The following TNC variants were observed in gnomAD, a reference collection of about 807,000 sequenced individuals.
TNC encodes tenascin C.
TNC carries 109 observed loss-of-function variants against 202.4 expected under a neutral mutation model. That is an observed-to-expected ratio of 0.54 (90% CI 0.46 to 0.63). The LOEUF is 0.63. Among genes scored for constraint, TNC ranks in the 30% least tolerant of loss-of-function variants. TNC has a pLI of 0.00. For missense variants in TNC, 2,756 were observed against 2,833.3 expected (o/e 0.97, Z 0.62); for synonymous variants, 1,007 against 1,089.7 (o/e 0.92, Z 1.50).
intron 1 of TNC, among the ~76,000 whole-genome samples, chr9:115,116,773 C>G (rs977970997): frequency 2.0e-5 from 3 of 152,276 alleles, no homozygotes; most frequent in African/African-American, 7.2e-5. Flanking sequence ...CGGGCTACTA[C>G]CTTTTCTCCA....
At chr9:115,105,090 T>C (rs1383154042) in intron 1 of TNC, among the ~76,000 whole-genome samples, 2 of 152,188 alleles carry the variant, frequency 1.3e-5, no homozygotes, top group African/African-American at 4.8e-5. Context: ...ATGGAGCCAT[T>C]GACAATTACA....
chr9:115,090,811 A>G lies in TNC; in HGVS notation c.208T>C (p.Ser70Pro). The G allele has an allele frequency of 6.2e-7, 1 of 1,614,048 alleles. No individual in the cohort carries two copies. Among genetic ancestry groups the G allele is most frequent in the Non-Finnish European group, 8.5e-7 (1 of 1,179,980 alleles). Residue 70 changes from serine (S) to proline (P), a missense_variant, in exon 2 of 28, where the codon TCA becomes CCA. Physicochemically the swap from Ser to Pro is moderately conservative, Grantham distance 74. This residue lies in a region of TNC where 2,559 missense variants were observed against 2,546.0 expected (regional missense o/e 1.01). Transcript: ENST00000350763. ...VGSQCSVDLE[S>P]ASGEKDLAPP... ...GCCAGGTCTTTCTCCCCACTGGCTGACTCCAGATCCACCGAACACTGGGAT... is the reference window on the plus strand; with the variant it reads ...GCCAGGTCTTTCTCCCCACTGGCTGGCTCCAGATCCACCGAACACTGGGAT...
At chr9:115,113,037 C>T (rs1003935821) in intron 1 of TNC, among the ~76,000 whole-genome samples, 10 of 152,118 alleles carry the variant, frequency 6.6e-5, no homozygotes, top group Admixed American at 3.9e-4. Flanking sequence ...GTAGAGAAAA[C>T]GTATTACATT....
At chr9:115,087,495 G>C (rs1834861187) in intron 2 of TNC, among the ~76,000 whole-genome samples, 1 of 150,426 alleles carries the variant, frequency 6.6e-6, no homozygotes, top group Non-Finnish European at 1.5e-5. Flanking sequence ...TTATAGGCTT[G>C]TATGCCAAAA....
chr9:115,069,778 T>C (rs868767947), intron 10 of TNC, among the ~76,000 whole-genome samples: 4 of 23,888 alleles, frequency 1.7e-4, no homozygotes, highest in Admixed American at 4.1e-4. Flanking sequence ...CTCCCTCCCT[T>C]CCTTCCTTCC....
chr9:115,023,793 C>T (rs1294047810), intron 27 of TNC, among the ~76,000 whole-genome samples, 180 bp downstream of exon 27: 1 of 152,214 alleles, frequency 6.6e-6, no homozygotes, highest in Non-Finnish European at 1.5e-5. Flanking sequence ...TGTGCTGTTT[C>T]TATTTTACCT....
intron 26 of TNC, 96 bp downstream of exon 26, chr9:115,026,438 G>T: frequency 7.5e-7 from 1 of 1,329,826 alleles, no homozygotes; most frequent in Non-Finnish European, 1.0e-6. Context: ...TAAATTGCTG[G>T]ATTAATGAGG....
chr9:115,053,584 G>T (rs1831873724), intron 15 of TNC, among the ~76,000 whole-genome samples: 1 of 152,146 alleles, frequency 6.6e-6, no homozygotes, highest in African/African-American at 2.4e-5. Context: ...CCCTATCTGA[G>T]GAATATCCTT....
chr9:115,053,151 G>A (rs906865270), intron 15 of TNC: 5 of 604,286 alleles, frequency 8.3e-6, no homozygotes, highest in Non-Finnish European at 1.2e-5. Flanking sequence ...ATGTTAGGCT[G>A]TGTCTACACC....
At chr9:115,026,426 A>T in intron 26 of TNC, 108 bp downstream of exon 26, 2 of 1,230,584 alleles carry the variant, frequency 1.6e-6, no homozygotes, top group Admixed American at 2.3e-5. Context: ...TTGTTGATTT[A>T]ATAAATTGCT....
At chr9:115,100,345 G>T (rs1328511605) in intron 1 of TNC, among the ~76,000 whole-genome samples, 1 of 152,090 alleles carries the variant, frequency 6.6e-6, no homozygotes, top group Non-Finnish European at 1.5e-5. Flanking sequence ...ACAGCTAATC[G>T]ATAACAACAC....
At chr9:115,035,077 C>T (rs1375421374) in intron 22 of TNC, 127 bp downstream of exon 22, 6 of 962,834 alleles carry the variant, frequency 6.2e-6, no homozygotes, top group Non-Finnish European at 7.0e-6. Context: ...CCAGTCTCTA[C>T]TAATTTTTTT....
In TNC at chr9:115,091,147, A is replaced by G; in HGVS notation, c.-129T>C. On this transcript the variant is annotated 5_prime_UTR_variant, in exon 2 of 28. Transcript: ENST00000350763. The stretch of plus-strand genomic sequence containing the variant: ...AGTTGTCCCTGATCTTCTTGAAAGA[A>G]TTATTTTCTACAAGCAAAGATGAAC... 1 of 723,378 alleles carries G rather than the reference A, an allele frequency of 1.4e-6. No individual in the cohort carries two copies. The highest frequency in any genetic ancestry group is 2.2e-6 in the Non-Finnish European group (1 of 448,934). The allele number at this position is 723,378 out of a possible 1,614,324, so 44.8% of individuals were successfully genotyped here.
rs1350779470 is a variant in TNC, at chr9:115,060,150, T to G, written c.4034-148A>C. 9.3e-6 allele frequency: 8 copies of G among 863,020 alleles called. No individual in the cohort carries two copies. The East Asian group carries it at 1.6e-4, about 17-fold the overall frequency. 53.5% of individuals were successfully genotyped at this position (863,020 alleles called of 1,614,324 possible). A position where few individuals can be genotyped will look rare whatever the true frequency, so the allele number is the denominator to read the frequency against. On this transcript the variant is annotated intron_variant, in intron 13 of 27. Coordinates refer to ENST00000350763, the MANE Select transcript of TNC (RefSeq NM_002160.4). ...GTCTCTGAGCATTTGCAATTTGAAC[T>G]GTGGTTCCCTGGCCACAGTTGTCTT...
intron 17 of TNC, 131 bp from the exon 18 acceptor site, chr9:115,042,472 G>A: frequency 8.0e-7 from 1 of 1,250,226 alleles, no homozygotes; most frequent in Non-Finnish European, 1.1e-6. Flanking sequence ...CTTTAGGATG[G>A]AGAATGTGGT....
chr9:115,020,643 C>A lies in TNC; in HGVS notation c.*514G>T. The stretch of plus-strand genomic sequence containing the variant: ...AATCCTTAGTTTTCATCATCATCAT[C>A]ATCATTATTATATTAATAATATTAA... On this transcript the variant is annotated 3_prime_UTR_variant, in exon 28 of 28. Transcript: ENST00000350763. 5.5e-6 allele frequency: 2 copies of A among 364,382 alleles called. No homozygotes were observed. Among genetic ancestry groups the A allele is most frequent in the South Asian group, 2.3e-5 (1 of 44,056 alleles). The allele number at this position is 364,382 out of a possible 1,614,324, so 22.6% of individuals were successfully genotyped here.
At chr9:115,072,203 C>T (rs574092276) in intron 10 of TNC, among the ~76,000 whole-genome samples, 7 of 152,340 alleles carry the variant, frequency 4.6e-5, no homozygotes, top group African/African-American at 1.7e-4. Context: ...CCAGAAGGTG[C>T]TCCTCTTTGG....
intron 1 of TNC, among the ~76,000 whole-genome samples, chr9:115,113,751 A>T (rs1257129947): frequency 6.6e-6 from 1 of 152,208 alleles, no homozygotes; most frequent in Non-Finnish European, 1.5e-5. Flanking sequence ...ACATATTTTT[A>T]AAATCTCCAT....
intron 15 of TNC, among the ~76,000 whole-genome samples, chr9:115,051,679 G>A (rs187624470): frequency 6.2e-4 from 94 of 151,828 alleles, no homozygotes; most frequent in Non-Finnish European, 1.1e-3. Flanking sequence ...TAAAGAAAAA[G>A]ATGGTTATAC....
Sources: allele counts gnomAD v4.1 joint callset (sites outside exome capture counted in the v4.1 genomes callset), GRCh38; gene constraint gnomAD v4.1.1; regional missense constraint gnomAD v4.1.1; transcripts MANE v1.5; gene names NCBI Gene and HGNC (gene_info 2026-07-23, HGNC 2026-07-21).